Variants in CCDC170 observed in about 807,000 individuals in gnomAD.
The protein encoded by CCDC170 is coiled-coil domain containing 170.
A neutral mutation model predicts 72.6 loss-of-function variants in CCDC170; 69 were observed. That is an observed-to-expected ratio of 0.95 (90% CI 0.78 to 1.16). The LOEUF is 1.16. CCDC170 is among the 50% of genes most tolerant of loss of function. The pLI is 0.00. For missense variants in CCDC170, 852 were observed against 832.5 expected, an observed-to-expected ratio of 1.02 and a Z score of -0.29; for synonymous variants, 300 against 303.9, an observed-to-expected ratio of 0.99 and a Z score of 0.13.
At chr6:151,572,652 T>TTTTTGTTTTTG (rs1776236353) in intron 5 of CCDC170, among the ~76,000 whole-genome samples, 2 of 77,544 alleles carry the variant, frequency 2.6e-5, no homozygotes, top group South Asian at 1.0e-3. Flanking sequence ...TCTCTGTGTT[T>TTTTTGTTTTTG]TTTTTTTTTT....
chr6:151,559,719 C>T (rs1219237111), intron 5 of CCDC170, among the ~76,000 whole-genome samples: 1 of 152,070 alleles, frequency 6.6e-6, no homozygotes, highest in Non-Finnish European at 1.5e-5. Flanking sequence ...ATTTCTCTGG[C>T]TAGGATTTTC....
chr6:151,591,727 C>T (rs1050173170), intron 7 of CCDC170, among the ~76,000 whole-genome samples: 1 of 152,212 alleles, frequency 6.6e-6, no homozygotes, highest in Non-Finnish European at 1.5e-5. Context: ...CATCTCCTGA[C>T]CTTGTGATCT....
chr6:151,600,185 A>C (rs1267214775), intron 9 of CCDC170, among the ~76,000 whole-genome samples: 1 of 152,234 alleles, frequency 6.6e-6, no homozygotes, highest in African/African-American at 2.4e-5. Flanking sequence ...ATACAAATCC[A>C]AAATATCAGA....
In CCDC170 at chr6:151,618,144, T is replaced by G. The variant is rs1379445388; in HGVS notation, c.2145T>G (p.His715Gln). 6.2e-7 allele frequency: 1 copy of G among 1,613,628 alleles called. No homozygotes were observed. The highest frequency in any genetic ancestry group is 1.7e-5 in the Admixed American group (1 of 60,022). The change falls in exon 11 of 11, where the codon CAT becomes CAG. Residue 715 changes from histidine to glutamine, a missense_variant. By Grantham distance (24) the His-to-Gln change is conservative. Transcript: ENST00000239374. The part of the protein sequence containing the change: ...RHPQGHLQLL[H>Q] ...CACAAGGCCATTTACAGCTTCTTCATTGAACACTGTATCTCTTGAGAGAGG... is the reference window on the plus strand; with the variant it reads ...CACAAGGCCATTTACAGCTTCTTCAGTGAACACTGTATCTCTTGAGAGAGG...
chr6:151,545,288 A>G (rs1271392011), intron 4 of CCDC170, among the ~76,000 whole-genome samples: 1 of 152,064 alleles, frequency 6.6e-6, no homozygotes, highest in Non-Finnish European at 1.5e-5. Context: ...GCGTGGTGGC[A>G]GGTGCCTGTA....
At chr6:151,512,828 CTA>C in intron 1 of CCDC170, among the ~76,000 whole-genome samples, 1 of 152,302 alleles carries the variant, frequency 6.6e-6, no homozygotes, top group East Asian at 1.9e-4. Context: ...AATGTTACTA[CTA>C]TGATTATTCT....
chr6:151,591,687 G>A (rs530584176), intron 7 of CCDC170, among the ~76,000 whole-genome samples: 2 of 152,066 alleles, frequency 1.3e-5, no homozygotes, highest in African/African-American at 2.4e-5. Flanking sequence ...AGTAGAGACG[G>A]GGTTTCACTG....
chr6:151,496,648 G>GA lies in CCDC170; in HGVS notation c.57+2467dup, dbSNP rs200393052. On this transcript the variant is annotated intron_variant, in intron 1 of 10. Coordinates refer to ENST00000239374, the MANE Select transcript of CCDC170 (RefSeq NM_025059.4). ...TGTACTTTTCCTACCATGCCAGACT[G>GA]AAAACATTAAATTACAAAGCAGTGA... is the stretch of plus-strand genomic sequence containing the variant. 4.0e-3 allele frequency among the ~76,000 whole-genome samples: 612 copies of GA among 152,256 alleles called. 3 individuals carry two copies. The highest frequency in any genetic ancestry group is 0.013 in the African/African-American group (555 of 41,546).
chr6:151,531,276 A>C (rs1445689418), intron 1 of CCDC170, among the ~76,000 whole-genome samples: 1 of 152,242 alleles, frequency 6.6e-6, no homozygotes, highest in Non-Finnish European at 1.5e-5. Flanking sequence ...TAAACCAAAT[A>C]AATTTAAGAT....
chr6:151,572,815 A>G (rs1776242993), intron 5 of CCDC170, among the ~76,000 whole-genome samples: 1 of 151,244 alleles, frequency 6.6e-6, no homozygotes, highest in Non-Finnish European at 1.5e-5. Context: ...ATGCCCCGCT[A>G]AGTTTTGTAT....
chr6:151,604,313 T>C lies in CCDC170; in HGVS notation c.1710+7736T>C, dbSNP rs377591431. 2.6e-5 allele frequency among the ~76,000 whole-genome samples: 4 copies of C among 152,132 alleles called. No individual in the cohort carries two copies. In the East Asian group the frequency reaches 7.7e-4, roughly 29 times the overall value. On this transcript the variant is annotated intron_variant, in intron 9 of 10. Transcript: ENST00000239374. ...ACTCAGCTCCGATGATGTAGATCCA[T>C]TGGATTTCTGGGACTGCTTTGAGCT...
intron 6 of CCDC170, among the ~76,000 whole-genome samples, chr6:151,578,755 G>A (rs1267977606): frequency 2.6e-5 from 4 of 152,198 alleles, no homozygotes. Flanking sequence ...ACACTTTCTA[G>A]TACCTGATAA....
intron 2 of CCDC170, among the ~76,000 whole-genome samples, chr6:151,537,418 A>G (rs1782606745): frequency 6.6e-6 from 1 of 152,222 alleles, no homozygotes; most frequent in Non-Finnish European, 1.5e-5. Context: ...CATAGGGTAG[A>G]TCTGACATTT....
At chr6:151,532,351 A>G (rs1261752630) in intron 1 of CCDC170, among the ~76,000 whole-genome samples, 1 of 152,206 alleles carries the variant, frequency 6.6e-6, no homozygotes, top group Non-Finnish European at 1.5e-5. Flanking sequence ...TCATGCCTGT[A>G]ATCACAGCAC....
rs1457550813 is a variant in CCDC170, at chr6:151,618,840, G to C, written c.*693G>C. The C allele has an allele frequency of 3.3e-5, 5 of 151,950 alleles. No individual in the cohort carries two copies. The highest frequency in any genetic ancestry group is 5.9e-5 in the Non-Finnish European group (4 of 68,050). The allele number at this position is 151,950 out of a possible 1,614,324, so 9.4% of individuals were successfully genotyped here. A position where few individuals can be genotyped will look rare whatever the true frequency, so the allele number is the denominator to read the frequency against. Reference sequence around the variant, plus strand: ...AGCCTGGCTAACATAGTGAGACCCTGTTTCTACTAAAAATACAAAAATAAG... The same window carrying C: ...AGCCTGGCTAACATAGTGAGACCCTCTTTCTACTAAAAATACAAAAATAAG... On this transcript the variant is annotated 3_prime_UTR_variant, in exon 11 of 11. Coordinates refer to ENST00000239374, the MANE Select transcript of CCDC170 (RefSeq NM_025059.4).
intron 7 of CCDC170, 109 bp downstream of exon 7, chr6:151,586,198 T>A: frequency 9.1e-7 from 1 of 1,101,592 alleles, no homozygotes; most frequent in South Asian, 1.7e-5. Context: ...GTCCTGGACT[T>A]AATTGGTTAA....
chr6:151,585,188 G>A (rs547495448), intron 6 of CCDC170, among the ~76,000 whole-genome samples: 1 of 152,290 alleles, frequency 6.6e-6, no homozygotes, highest in Non-Finnish European at 1.5e-5. Context: ...GGCAAATCAG[G>A]TGGGTTGTGG....
chr6:151,619,002 G>GAAAAAAAAA lies in CCDC170; in HGVS notation c.*874_*882dup, dbSNP rs55906416. On this transcript the variant is annotated 3_prime_UTR_variant, in exon 11 of 11. Coordinates refer to ENST00000239374, the MANE Select transcript of CCDC170 (RefSeq NM_025059.4). Reference sequence around the variant, plus strand: ...GGCGACAGAGTGAAACTACATCTCAGAAAAAAAAAAAAAAAAAAAAAAAAA... The same window carrying GAAAAAAAAA: ...GGCGACAGAGTGAAACTACATCTCAGAAAAAAAAAAAAAAAAAAAAAAAAAAAAAAAAAA... 4.9e-5 allele frequency: 3 copies of GAAAAAAAAA among 61,116 alleles called. No individual in the cohort carries two copies. Among genetic ancestry groups the GAAAAAAAAA allele is most frequent in the Non-Finnish European group, 8.2e-5 (3 of 36,454 alleles). 3.8% of individuals were successfully genotyped at this position (61,116 alleles called of 1,614,324 possible). A position where few individuals can be genotyped will look rare whatever the true frequency, so the allele number is the denominator to read the frequency against.
intron 7 of CCDC170, among the ~76,000 whole-genome samples, chr6:151,587,075 T>C (rs753994375): frequency 3.9e-4 from 60 of 152,114 alleles, no homozygotes; most frequent in Non-Finnish European, 2.1e-4. Context: ...TGAGCCACCG[T>C]GCCAGGCCAC....
Sources: allele counts gnomAD v4.1 joint callset (sites outside exome capture counted in the v4.1 genomes callset), GRCh38; gene constraint gnomAD v4.1.1; transcripts MANE v1.5; gene names NCBI Gene and HGNC (gene_info 2026-07-23, HGNC 2026-07-21).